SRP54: variants seen among roughly 807,000 people sequenced by gnomAD.
The protein encoded by SRP54 is signal recognition particle subunit SRP54.
In SRP54, 10 loss-of-function variants were observed where a neutral mutation model predicts 64.8. That is an observed-to-expected ratio of 0.15 (90% CI 0.10 to 0.26). The LOEUF (loss-of-function observed/expected upper bound fraction) is 0.26. Among genes scored for constraint, SRP54 ranks in the 10% least tolerant of loss-of-function variants. The pLI, the probability that SRP54 is intolerant of heterozygous loss-of-function variation, is 1.00. For synonymous variants in SRP54, 193 were observed against 185.6 expected (o/e 1.04, Z -0.32); for missense variants, 325 against 613.7 (o/e 0.53, Z 4.97).
At chr14:35,021,575 G>C (rs2044530121) in intron 13 of SRP54, among the ~76,000 whole-genome samples, 1 of 151,984 alleles carries the variant, frequency 6.6e-6, no homozygotes, top group Admixed American at 6.6e-5. Flanking sequence ...GGTGGTTGCA[G>C]TGAGCGAAGC....
At chr14:34,988,706 G>A (rs1463564476) in intron 1 of SRP54, among the ~76,000 whole-genome samples, 1 of 149,734 alleles carries the variant, frequency 6.7e-6, no homozygotes, top group Non-Finnish European at 1.5e-5. Context: ...ATGCTGTGCA[G>A]AATTAAGAAA....
intron 1 of SRP54, among the ~76,000 whole-genome samples, chr14:34,986,388 G>A (rs1477821642): frequency 6.6e-6 from 1 of 152,084 alleles, no homozygotes; most frequent in African/African-American, 2.4e-5. Flanking sequence ...CTCATGCTGG[G>A]ACAATTTCTG....
At chr14:35,012,170 C>G (rs180830581) in intron 8 of SRP54, among the ~76,000 whole-genome samples, 178 of 145,796 alleles carry the variant, frequency 1.2e-3, no homozygotes, top group African/African-American at 3.6e-3. Flanking sequence ...GAGCCAAGAT[C>G]ACGCCATTGC....
At chr14:35,014,876 GA>G (rs1191318574) in intron 11 of SRP54, 46 bp downstream of exon 11, 18 of 1,435,430 alleles carry the variant, frequency 1.3e-5, no homozygotes, top group East Asian at 1.1e-4. Context: ...TTCTTCCATT[GA>G]TTTTTTTTAT....
intron 1 of SRP54, chr14:34,993,169 T>G (rs2044009504): frequency 6.6e-6 from 1 of 152,198 alleles, no homozygotes; most frequent in African/African-American, 2.4e-5. Flanking sequence ...TTAGTATAGC[T>G]TTTTAAAATG....
At chr14:35,002,715 A>C (rs113020664) in intron 4 of SRP54, among the ~76,000 whole-genome samples, 1 of 144,424 alleles carries the variant, frequency 6.9e-6, no homozygotes, top group Non-Finnish European at 1.5e-5. Flanking sequence ...GACTACAACC[A>C]TGAGTCACTG....
intron 11 of SRP54, among the ~76,000 whole-genome samples, chr14:35,018,277 T>C (rs1305630290): frequency 6.6e-6 from 1 of 152,230 alleles, no homozygotes; most frequent in East Asian, 1.9e-4. Flanking sequence ...ACCTAAGCTA[T>C]TTAAGAAACT....
At chr14:35,027,215 A>T (rs549940764) in intron 14 of SRP54, among the ~76,000 whole-genome samples, 2 of 151,908 alleles carry the variant, frequency 1.3e-5, no homozygotes, top group African/African-American at 4.8e-5. Flanking sequence ...TTGTTAGTGG[A>T]GACGGGGTTT....
chr14:35,017,270 A>G (rs1465355433), intron 11 of SRP54, among the ~76,000 whole-genome samples: 1 of 152,070 alleles, frequency 6.6e-6, no homozygotes, highest in Non-Finnish European at 1.5e-5. Flanking sequence ...TTAAGTCTCT[A>G]CATTTTTGTT....
chr14:34,991,126 TTTTG>T (rs2043970293), intron 1 of SRP54, among the ~76,000 whole-genome samples: 2 of 141,150 alleles, frequency 1.4e-5, no homozygotes, highest in African/African-American at 2.6e-5. Flanking sequence ...TTTTTTTTTT[TTTTG>T]TTGTTGTTGT....
At chr14:34,999,902 T>A in intron 3 of SRP54, 1 of 285,734 alleles carries the variant, frequency 3.5e-6, no homozygotes, top group Non-Finnish European at 6.7e-6. Context: ...TTTATTTGAA[T>A]GGATTTGATT....
At chr14:35,002,145 G>A (rs1015619813) in intron 4 of SRP54, among the ~76,000 whole-genome samples, 5 of 152,070 alleles carry the variant, frequency 3.3e-5, no homozygotes, top group African/African-American at 1.2e-4. Flanking sequence ...CCTGAGGTCA[G>A]GCGTTCGAGA....
intron 3 of SRP54, 136 bp downstream of exon 3, chr14:34,999,785 A>G: frequency 3.3e-6 from 2 of 598,404 alleles, no homozygotes; most frequent in South Asian, 4.3e-5. Context: ...GTTGGAGCTC[A>G]TATGTTGGGC....
chr14:35,015,249 G>C (rs1422334611), intron 11 of SRP54, among the ~76,000 whole-genome samples: 2 of 152,058 alleles, frequency 1.3e-5, no homozygotes, highest in Non-Finnish European at 2.9e-5. Context: ...GCTAATTTTT[G>C]TATTTTTAGT....
At chr14:34,995,856 G>A (rs1484584326) in intron 1 of SRP54, among the ~76,000 whole-genome samples, 1 of 151,934 alleles carries the variant, frequency 6.6e-6, no homozygotes, top group African/African-American at 2.4e-5. Context: ...TTTAAAATGG[G>A]AAGAGAACCA....
chr14:34,987,168 T>C lies in SRP54; in HGVS notation c.-34+3953T>C, dbSNP rs183399404. 3.9e-3 allele frequency among the ~76,000 whole-genome samples: 582 copies of C among 149,560 alleles called. 6 individuals are homozygous for C. The highest frequency in any genetic ancestry group is 0.024 in the Middle Eastern group (7 of 292). ...ATCGCTTGAATCCAGAAGGCAGATA[T>C]TGCAGTGAGCCGAGATCTTGCCACT... On this transcript the variant is annotated intron_variant, in intron 1 of 15. Coordinates refer to ENST00000216774, the MANE Select transcript of SRP54 (RefSeq NM_003136.4).
chr14:35,007,225 T>A (rs2044270917), intron 4 of SRP54, 58 bp from the exon 5 acceptor site: 1 of 1,218,394 alleles, frequency 8.2e-7, no homozygotes, highest in African/African-American at 1.5e-5. Flanking sequence ...GGGGAAGGGG[T>A]TTTGAATTTA....
intron 9 of SRP54, 113 bp from the exon 10 acceptor site, chr14:35,013,689 G>C: frequency 8.9e-7 from 1 of 1,127,926 alleles, no homozygotes; most frequent in African/African-American, 1.6e-5. Flanking sequence ...TGAAACTTGA[G>C]TTTTGTACCT....
intron 4 of SRP54, among the ~76,000 whole-genome samples, chr14:35,001,589 G>C (rs1292283631): frequency 2.0e-5 from 3 of 152,130 alleles, no homozygotes; most frequent in Non-Finnish European, 4.4e-5. Flanking sequence ...TGATGGAAGG[G>C]CCTAAGTTTT....
Sources: gnomAD v4.1 joint callset for allele counts (sites outside exome capture counted in the v4.1 genomes callset) on GRCh38, gnomAD v4.1.1 for gene constraint, MANE v1.5 for transcripts, NCBI Gene and HGNC (gene_info 2026-07-23, HGNC 2026-07-21) for gene names.